Variants in IKZF2 observed in about 807,000 individuals in gnomAD.
The protein encoded by IKZF2 is IKAROS family zinc finger 2.
A neutral mutation model predicts 49.2 loss-of-function variants in IKZF2; 15 were observed. The observed-to-expected ratio is 0.30, with a 90% confidence interval of 0.20 to 0.47. The LOEUF is 0.47. Among genes scored for constraint, IKZF2 ranks in the 20% least tolerant of loss-of-function variants. The probability of loss-of-function intolerance (pLI) is 1.00; values close to 1 mark genes in which losing one functional copy is unlikely to be tolerated. For synonymous variants in IKZF2, 227 were observed against 221.4 expected, an observed-to-expected ratio of 1.03 and a Z score of -0.23; for missense variants, 567 against 664.6, an observed-to-expected ratio of 0.85 and a Z score of 1.61.
intron 4 of IKZF2, among the ~76,000 whole-genome samples, chr2:213,062,610 G>A (rs1701806227): frequency 6.6e-6 from 1 of 151,904 alleles, no homozygotes; most frequent in Admixed American, 6.6e-5. Context: ...TATTTCAGGT[G>A]TGATGTGTAA....
At chr2:213,085,020 G>A (rs1382970701) in intron 4 of IKZF2, among the ~76,000 whole-genome samples, 3 of 152,132 alleles carry the variant, frequency 2.0e-5, no homozygotes, top group Non-Finnish European at 1.5e-5. Flanking sequence ...TACGCTGTAC[G>A]CTATGACCCA....
At chr2:213,055,087 T>A (rs1275898798) in intron 5 of IKZF2, among the ~76,000 whole-genome samples, 1 of 152,130 alleles carries the variant, frequency 6.6e-6, no homozygotes, top group African/African-American at 2.4e-5. Context: ...GTTTTTAGTT[T>A]ATTTTTTAGC....
chr2:213,008,220 TAAGTC>T (rs1382595654), intron 8 of IKZF2, 136 bp from the exon 9 acceptor site: 2 of 1,066,386 alleles, frequency 1.9e-6, no homozygotes, highest in Admixed American at 3.1e-5. Context: ...TATTACTCTA[TAAGTC>T]AAGTATTTGG....
At chr2:213,049,234 C>T (rs887170515) in intron 6 of IKZF2, among the ~76,000 whole-genome samples, 18 of 151,762 alleles carry the variant, frequency 1.2e-4, no homozygotes, top group African/African-American at 3.9e-4. Flanking sequence ...ATAAAATACT[C>T]GAAAAGCCAA....
intron 4 of IKZF2, among the ~76,000 whole-genome samples, chr2:213,109,379 A>G (rs1465744601): frequency 6.6e-6 from 1 of 152,112 alleles, no homozygotes; most frequent in Non-Finnish European, 1.5e-5. Context: ...TACATATCAT[A>G]AGTAACACAA....
intron 4 of IKZF2, among the ~76,000 whole-genome samples, chr2:213,144,940 C>A (rs1030684951): frequency 6.6e-6 from 1 of 151,796 alleles, no homozygotes; most frequent in Non-Finnish European, 1.5e-5. Flanking sequence ...CTCTCCCTCC[C>A]AAGTCACCAG....
At chr2:213,039,325 A>G (rs1332699452) in intron 6 of IKZF2, among the ~76,000 whole-genome samples, 1 of 152,086 alleles carries the variant, frequency 6.6e-6, no homozygotes, top group African/African-American at 2.4e-5. Context: ...CCTTGGAACT[A>G]TAGGGACTTG....
chr2:213,060,918 T>C (rs1701618177), intron 4 of IKZF2, among the ~76,000 whole-genome samples: 1 of 151,554 alleles, frequency 6.6e-6, no homozygotes, highest in Non-Finnish European at 1.5e-5. Flanking sequence ...AGAAAAAGCT[T>C]TGAAGATATT....
chr2:213,117,226 C>A (rs373490109), intron 4 of IKZF2, among the ~76,000 whole-genome samples: 1 of 152,160 alleles, frequency 6.6e-6, no homozygotes, highest in Non-Finnish European at 1.5e-5. Context: ...ACAAGCCTTA[C>A]GAGATACTGC....
At position 213,035,996 on chromosome 2, in the gene IKZF2, A is replaced by T. The variant is rs4673719; in HGVS notation, c.574+13717T>A. On this transcript the variant is annotated intron_variant, in intron 6 of 8. Transcript: ENST00000434687. ...ATAAAATGTAAACATATAGTTATCA[A>T]GGTATGATTTTTTTTGCTATATCAG... Among the ~76,000 whole-genome samples, 7 of 151,968 alleles carry T rather than the reference A, an allele frequency of 4.6e-5. No homozygotes were observed. In the East Asian group the frequency reaches 9.7e-4, roughly 21 times the overall value.
At chr2:213,019,392 C>T (rs1248224457) in intron 7 of IKZF2, among the ~76,000 whole-genome samples, 1 of 152,038 alleles carries the variant, frequency 6.6e-6, no homozygotes, top group Admixed American at 6.6e-5. Flanking sequence ...GAGACATATG[C>T]CAAGCTATTT....
chr2:213,014,885 C>G (rs774694953), intron 7 of IKZF2: 1 of 151,950 alleles, frequency 6.6e-6, no homozygotes, highest in South Asian at 2.1e-4. Flanking sequence ...GTTGCTTTCT[C>G]CAGTTGCACT....
intron 4 of IKZF2, among the ~76,000 whole-genome samples, chr2:213,058,479 A>G (rs1393158147): frequency 6.6e-6 from 1 of 151,906 alleles, no homozygotes; most frequent in African/African-American, 2.4e-5. Context: ...TTTCCTGGAT[A>G]TATAGTGCTC....
chr2:213,060,042 A>T (rs1404930178), intron 4 of IKZF2, among the ~76,000 whole-genome samples: 7 of 151,362 alleles, frequency 4.6e-5, no homozygotes, highest in Admixed American at 1.3e-4. Context: ...CATGTCATAC[A>T]TTAAATTTTG....
chr2:213,055,146 CTG>C (rs1188054504), intron 5 of IKZF2, among the ~76,000 whole-genome samples: 1 of 151,916 alleles, frequency 6.6e-6, no homozygotes, highest in Non-Finnish European at 1.5e-5. Context: ...ATTAGACTGA[CTG>C]TGTTTTGTTT....
chr2:213,139,775 T>G (rs190161579), intron 4 of IKZF2, among the ~76,000 whole-genome samples: 99 of 152,002 alleles, frequency 6.5e-4, no homozygotes, highest in Non-Finnish European at 1.0e-3. Context: ...TCTGAGAACC[T>G]ATCTAAGTGG....
intron 4 of IKZF2, among the ~76,000 whole-genome samples, chr2:213,116,876 A>G (rs1462732675): frequency 6.6e-6 from 1 of 152,190 alleles, no homozygotes; most frequent in Non-Finnish European, 1.5e-5. Context: ...TCTATCAAAA[A>G]TGTTTATTAA....
intron 4 of IKZF2, among the ~76,000 whole-genome samples, chr2:213,146,759 C>CGGGGGGGGG (rs57884895): frequency 1.1e-5 from 1 of 87,156 alleles, no homozygotes; most frequent in African/African-American, 3.9e-5. Context: ...ATTAAATCTT[C>CGGGGGGGGG]GGGGGGGGGG....
At chr2:213,045,310 A>G (rs552281700) in intron 6 of IKZF2, among the ~76,000 whole-genome samples, 15 of 152,210 alleles carry the variant, frequency 9.9e-5, no homozygotes, top group African/African-American at 1.9e-4. Flanking sequence ...TAGCTGTACA[A>G]TCTTTACTGG....
Sources: allele counts gnomAD v4.1 joint callset (sites outside exome capture counted in the v4.1 genomes callset), GRCh38; gene constraint gnomAD v4.1.1; transcripts MANE v1.5; gene names NCBI Gene and HGNC (gene_info 2026-07-23, HGNC 2026-07-21).